Variants in EGF observed in about 807,000 individuals in gnomAD.
EGF encodes the protein epidermal growth factor.
EGF carries 95 observed loss-of-function variants against 143.8 expected under a neutral mutation model. The observed-to-expected ratio is 0.66, with a 90% CI of 0.56 to 0.78. The LOEUF is 0.78. Among genes scored for constraint, EGF ranks in the 30% least tolerant of loss-of-function variants. The pLI is 0.00. For missense variants in EGF, 1,320 were observed against 1,470.9 expected (o/e 0.90, Z 1.68); for synonymous variants, 510 against 510.5 (o/e 1.00, Z 0.01).
intron 19 of EGF, 71 bp from the exon 20 acceptor site, chr4:109,994,662 G>C (rs1168618483): frequency 2.0e-6 from 3 of 1,532,168 alleles, no homozygotes; most frequent in African/African-American, 2.7e-5. Context: ...ACAGAAACTA[G>C]TTCCTCATAT....
At position 110,011,303 on chromosome 4, in the gene EGF, C is replaced by T; in HGVS notation, c.3472C>T (p.Pro1158Ser). 1 of 1,614,134 alleles carries T rather than the reference C, an allele frequency of 6.2e-7. No individual in the cohort carries two copies. Residue 1158 changes from proline to serine, a missense_variant, in exon 24 of 24, where the codon CCC becomes TCC. Pro to Ser is a moderately conservative substitution (Grantham distance 74). Transcript: ENST00000265171. ...IPVSSDKGSC[P>S]QVMERSFHMP... ...AGTATCCAGTGATAAGGGCTCCTGTCCCCAGGTAATGGAGCGAAGCTTTCA... is the reference window on the plus strand; with the variant it reads ...AGTATCCAGTGATAAGGGCTCCTGTTCCCAGGTAATGGAGCGAAGCTTTCA...
intron 6 of EGF, 28 bp downstream of exon 6, chr4:109,959,465 A>G (rs1324460931): frequency 1.9e-6 from 3 of 1,613,364 alleles, no homozygotes; most frequent in East Asian, 2.2e-5. Context: ...TGTGAAGGTA[A>G]TGGAAGAGTC....
At chr4:110,001,046 A>T (rs1752509082) in intron 21 of EGF, among the ~76,000 whole-genome samples, 1 of 152,224 alleles carries the variant, frequency 6.6e-6, no homozygotes, top group Admixed American at 6.5e-5. Flanking sequence ...CTTATCAGAG[A>T]TCCTGCTATA....
intron 11 of EGF, among the ~76,000 whole-genome samples, chr4:109,974,272 A>G (rs1387586185): frequency 1.3e-5 from 2 of 152,172 alleles, no homozygotes; most frequent in Non-Finnish European, 2.9e-5. Flanking sequence ...ATTAAAGCCA[A>G]TGTAAATCTC....
At chr4:109,938,734 T>C (rs1431935222) in intron 1 of EGF, among the ~76,000 whole-genome samples, 2 of 152,218 alleles carry the variant, frequency 1.3e-5, no homozygotes, top group Non-Finnish European at 2.9e-5. Context: ...GTTGATGCTA[T>C]TCATTTCTGT....
At position 109,993,370 on chromosome 4, in the gene EGF, G is replaced by A. The variant is rs1426520173; in HGVS notation, c.2857+1G>A. 6.2e-7 allele frequency: 1 copy of A among 1,613,134 alleles called. No homozygotes were observed. The highest frequency in any genetic ancestry group is 8.5e-7 in the Non-Finnish European group (1 of 1,179,648). On this transcript the variant is annotated splice_donor_variant, in intron 19 of 23. Coordinates refer to ENST00000265171, the MANE Select transcript of EGF (RefSeq NM_001963.6). LOFTEE classifies it high-confidence loss of function. ...TCTGAACCAGGACTGATTTGCCCTG[G>A]TAGGTTGGTGGGTGGTCTACAGTGA...
intron 23 of EGF, among the ~76,000 whole-genome samples, chr4:110,010,283 A>C (rs1158610465): frequency 6.6e-6 from 1 of 152,116 alleles, no homozygotes. Context: ...AACAAAAAAC[A>C]AAAAACCTGA....
intron 21 of EGF, among the ~76,000 whole-genome samples, chr4:110,003,935 G>A (rs556523654): frequency 1.7e-4 from 26 of 152,140 alleles, no homozygotes; most frequent in Non-Finnish European, 2.8e-4. Flanking sequence ...CATCATGACC[G>A]ACTTCTTACA....
At position 109,912,915 on chromosome 4, in the gene EGF, T is replaced by C. The variant is rs970628747; in HGVS notation, c.-421T>C. On this transcript the variant is annotated 5_prime_UTR_variant, in exon 1 of 24. Transcript: ENST00000265171. ...AGAAACTGTTGGGAGAGGAATCGTATCTCCATATTTCTTCTTTCAGCCCCA... is the reference window on the plus strand; with the variant it reads ...AGAAACTGTTGGGAGAGGAATCGTACCTCCATATTTCTTCTTTCAGCCCCA... 1 of 190,668 alleles carries C rather than the reference T, an allele frequency of 5.2e-6. No individual in the cohort carries two copies. Among genetic ancestry groups the C allele is most frequent in the Admixed American group, 5.4e-5 (1 of 18,506 alleles). 11.8% of individuals were successfully genotyped at this position (190,668 alleles called of 1,614,324 possible). A position where few individuals can be genotyped will look rare whatever the true frequency, so the allele number is the denominator to read the frequency against.
chr4:109,944,814 C>T (rs763907379), intron 4 of EGF, among the ~76,000 whole-genome samples: 3 of 152,104 alleles, frequency 2.0e-5, no homozygotes, highest in Admixed American at 6.6e-5. Context: ...TATTTTCTTC[C>T]CCATTTTCAT....
At chr4:109,957,055 G>A (rs1181874593) in intron 5 of EGF, among the ~76,000 whole-genome samples, 5 of 152,054 alleles carry the variant, frequency 3.3e-5, no homozygotes, top group Non-Finnish European at 5.9e-5. Flanking sequence ...CATACTCTCC[G>A]GTTATCTCAA....
intron 1 of EGF, among the ~76,000 whole-genome samples, chr4:109,919,250 G>A (rs28599924): frequency 0.016 from 2,376 of 146,448 alleles, 64 homozygotes; most frequent in African/African-American, 0.055. Context: ...GAAGATTCTT[G>A]TAGGCAGTCC....
At chr4:110,000,225 T>C (rs1752386938) in intron 21 of EGF, among the ~76,000 whole-genome samples, 2 of 133,058 alleles carry the variant, frequency 1.5e-5, no homozygotes, top group Non-Finnish European at 3.1e-5. Flanking sequence ...CACTCCAGCA[T>C]GGGCGATAGA....
At chr4:109,960,772 G>A (rs1745558760) in intron 6 of EGF, 95 bp from the exon 7 acceptor site, 4 of 1,423,026 alleles carry the variant, frequency 2.8e-6, no homozygotes, top group Non-Finnish European at 3.9e-6. Context: ...ATATACAAGT[G>A]TGAGATACCC....
chr4:109,951,823 G>A (rs1231915930), intron 5 of EGF, among the ~76,000 whole-genome samples: 1 of 152,076 alleles, frequency 6.6e-6, no homozygotes, highest in Non-Finnish European at 1.5e-5. Flanking sequence ...TATTTTAGAT[G>A]TACCTTATTT....
At chr4:109,990,701 G>A (rs1182255613) in intron 18 of EGF, among the ~76,000 whole-genome samples, 1 of 152,198 alleles carries the variant, frequency 6.6e-6, no homozygotes, top group East Asian at 1.9e-4. Flanking sequence ...GGTTTTGGGT[G>A]AAGGATCTCT....
chr4:109,995,359 A>AT (rs1468378122), intron 20 of EGF, among the ~76,000 whole-genome samples: 2 of 152,068 alleles, frequency 1.3e-5, no homozygotes, highest in African/African-American at 4.8e-5. Flanking sequence ...TCATATGTAT[A>AT]TTTTTTCTTC....
At position 109,914,382 on chromosome 4, in the gene EGF, A is replaced by G. The variant is rs534686357; in HGVS notation, c.127+920A>G. Among the ~76,000 whole-genome samples the G allele has an allele frequency of 2.3e-4, 35 of 152,328 alleles. No homozygotes were observed. In the South Asian group the frequency reaches 6.2e-3, roughly 27 times the overall value. On this transcript the variant is annotated intron_variant, in intron 1 of 23. Coordinates refer to ENST00000265171, the MANE Select transcript of EGF (RefSeq NM_001963.6). Reference sequence around the variant, plus strand: ...AGGGGGAAAACACAGTACAGTTTCCAGAAGAGACACCTATGGAAGACAGTA... The same window carrying G: ...AGGGGGAAAACACAGTACAGTTTCCGGAAGAGACACCTATGGAAGACAGTA...
chr4:109,945,919 G>T (rs948911768), intron 5 of EGF, among the ~76,000 whole-genome samples: 8 of 152,206 alleles, frequency 5.3e-5, no homozygotes, highest in African/African-American at 1.9e-4. Context: ...TTGGTAGAGA[G>T]GGGGTACCTA....
Sources: allele counts gnomAD v4.1 joint callset (sites outside exome capture counted in the v4.1 genomes callset), GRCh38; gene constraint gnomAD v4.1.1; transcripts MANE v1.5; gene names NCBI Gene and HGNC (gene_info 2026-07-23, HGNC 2026-07-21).